Variants in CDH8 observed in about 807,000 individuals in gnomAD.
CDH8 encodes the protein cadherin 8, also known as cadherin-8.
CDH8 carries 17 observed loss-of-function variants against 68.1 expected under a neutral mutation model. That is an observed-to-expected ratio of 0.25 (90% CI 0.17 to 0.37). The LOEUF is 0.37. Among genes scored for constraint, CDH8 ranks in the 10% least tolerant of loss-of-function variants. CDH8 has a pLI of 1.00. For missense variants in CDH8, 763 were observed against 999.3 expected (o/e 0.76, Z 3.19); for synonymous variants, 372 against 365.1 (o/e 1.02, Z -0.21).
chr16:61,700,939 T>G (rs886067162), intron 10 of CDH8, among the ~76,000 whole-genome samples: 1 of 152,240 alleles, frequency 6.6e-6, no homozygotes, highest in Non-Finnish European at 1.5e-5. Context: ...GTGATATATG[T>G]GCTAATTACC....
chr16:61,676,564 T>A (rs977058811), intron 10 of CDH8, among the ~76,000 whole-genome samples: 12 of 152,066 alleles, frequency 7.9e-5, no homozygotes, highest in African/African-American at 2.9e-4. Context: ...TCAAGATTCA[T>A]TCATGATCAA....
rs1161086158 is a variant in CDH8, at chr16:61,648,043, C to A, written c.*5565G>T. ...ATTTTCACCAGCAAATGCCTACTAA[C>A]CTTGAGACCTAGATGAAACTTCCAC... On this transcript the variant is annotated 3_prime_UTR_variant, in exon 12 of 12. Transcript: ENST00000577390. 5.4e-6 allele frequency: 3 copies of A among 552,804 alleles called. No individual in the cohort carries two copies. The highest frequency in any genetic ancestry group is 6.4e-5 in the Admixed American group (2 of 31,290). The allele number at this position is 552,804 out of a possible 1,614,324, so 34.2% of individuals were successfully genotyped here. A position where few individuals can be genotyped will look rare whatever the true frequency, so the allele number is the denominator to read the frequency against.
At chr16:61,861,992 A>G (rs1417070134) in intron 3 of CDH8, among the ~76,000 whole-genome samples, 1 of 152,208 alleles carries the variant, frequency 6.6e-6, no homozygotes, top group East Asian at 1.9e-4. Context: ...GTAGTTTTGC[A>G]TAATGGCTTT....
intron 8 of CDH8, among the ~76,000 whole-genome samples, chr16:61,746,908 C>G (rs1960036636): frequency 6.6e-6 from 1 of 151,972 alleles, no homozygotes; most frequent in Non-Finnish European, 1.5e-5. Flanking sequence ...GTTAAATAAA[C>G]AAATACATAA....
At chr16:61,655,949 T>A (rs781291887) in intron 10 of CDH8, among the ~76,000 whole-genome samples, 11 of 150,726 alleles carry the variant, frequency 7.3e-5, no homozygotes, top group Non-Finnish European at 1.3e-4. Context: ...CTCGGCTCAC[T>A]GCAAGCTTCG....
chr16:61,970,856 AAAGT>A (rs1403480037), intron 2 of CDH8, among the ~76,000 whole-genome samples: 5 of 152,226 alleles, frequency 3.3e-5, no homozygotes, highest in Non-Finnish European at 4.4e-5. Context: ...CAGATGGCCT[AAAGT>A]AACTGAAGAT....
intron 8 of CDH8, among the ~76,000 whole-genome samples, chr16:61,770,759 T>A (rs1297619326): frequency 1.3e-5 from 2 of 151,944 alleles, no homozygotes; most frequent in Non-Finnish European, 2.9e-5. Flanking sequence ...TTTCTGTCTC[T>A]TTCAATTAAA....
intron 7 of CDH8, among the ~76,000 whole-genome samples, chr16:61,800,457 C>A (rs957709856): frequency 5.3e-5 from 8 of 152,222 alleles, no homozygotes; most frequent in African/African-American, 1.9e-4. Context: ...CATACTTGTT[C>A]TGTCCAATCT....
At chr16:61,667,317 T>C (rs966304698) in intron 10 of CDH8, 1 of 151,518 alleles carries the variant, frequency 6.6e-6, no homozygotes, top group African/African-American at 2.4e-5. Context: ...AAAAAAAAAA[T>C]CAACATCATG....
chr16:61,812,190 T>A (rs1961967111), intron 7 of CDH8, among the ~76,000 whole-genome samples: 1 of 152,190 alleles, frequency 6.6e-6, no homozygotes, highest in Non-Finnish European at 1.5e-5. Flanking sequence ...TTCTACAGTA[T>A]GAAATATTTT....
At chr16:61,761,645 A>G (rs1194263516) in intron 8 of CDH8, among the ~76,000 whole-genome samples, 2 of 152,204 alleles carry the variant, frequency 1.3e-5, no homozygotes, top group African/African-American at 4.8e-5. Context: ...GGGCACTAGC[A>G]AGCTTTAACA....
chr16:61,718,644 A>G (rs1959195814), intron 9 of CDH8, among the ~76,000 whole-genome samples: 1 of 151,284 alleles, frequency 6.6e-6, no homozygotes, highest in African/African-American at 2.4e-5. Context: ...AAATATTAAC[A>G]TCTATCTCTT....
chr16:61,960,015 TAC>T (rs1162149722), intron 2 of CDH8, among the ~76,000 whole-genome samples: 1,499 of 73,180 alleles, frequency 0.02, 169 homozygotes, highest in African/African-American at 0.079. Flanking sequence ...TATATATATA[TAC>T]ACACATACAC....
At chr16:61,780,264 T>C (rs891273802) in intron 8 of CDH8, among the ~76,000 whole-genome samples, 1 of 152,216 alleles carries the variant, frequency 6.6e-6, no homozygotes, top group Non-Finnish European at 1.5e-5. Flanking sequence ...AGATATACTA[T>C]ACAAGCCTAA....
At chr16:61,758,759 T>C (rs4567699) in intron 8 of CDH8, among the ~76,000 whole-genome samples, 26,695 of 152,098 alleles carry the variant, frequency 0.18, 3,517 homozygotes, top group African/African-American at 0.35. Context: ...AATTCTCAAA[T>C]TAAGAAAGAG....
intron 7 of CDH8, among the ~76,000 whole-genome samples, chr16:61,816,302 A>T (rs1490502511): frequency 6.6e-6 from 1 of 152,192 alleles, no homozygotes; most frequent in African/African-American, 2.4e-5. Context: ...ATTGTCCTGC[A>T]AGGTTTTAAT....
At chr16:62,023,506 C>T (rs1251370063) in intron 1 of CDH8, among the ~76,000 whole-genome samples, 1 of 152,106 alleles carries the variant, frequency 6.6e-6, no homozygotes, top group Non-Finnish European at 1.5e-5. Flanking sequence ...TGTAAACCAG[C>T]CAGATCATGG....
chr16:61,663,518 G>C (rs1249331576), intron 10 of CDH8, among the ~76,000 whole-genome samples: 2 of 151,898 alleles, frequency 1.3e-5, no homozygotes, highest in East Asian at 3.9e-4. Flanking sequence ...AGGCCGACTT[G>C]CCTTAGTCAC....
At chr16:61,737,314 T>C (rs569403727) in intron 8 of CDH8, among the ~76,000 whole-genome samples, 4 of 152,278 alleles carry the variant, frequency 2.6e-5, no homozygotes, top group Admixed American at 2.6e-4. Context: ...TTGAGCTTTC[T>C]ACAAGTAGAA....
Sources: gnomAD v4.1 joint callset for allele counts (sites outside exome capture counted in the v4.1 genomes callset) on GRCh38, gnomAD v4.1.1 for gene constraint, MANE v1.5 for transcripts, NCBI Gene and HGNC (gene_info 2026-07-23, HGNC 2026-07-21) for gene names.